ATXN8OS: variants seen among roughly 807,000 people sequenced by gnomAD.
ATXN8OS encodes the protein ATXN8 opposite strand lncRNA.
intron 1 of ATXN8OS, among the ~76,000 whole-genome samples, chr13:70,113,165 A>G (rs933692395): frequency 1.3e-5 from 2 of 151,680 alleles, no homozygotes; most frequent in African/African-American, 4.8e-5. Flanking sequence ...TGTGATCCTC[A>G]CATCTTGGCC....
chr13:70,155,772 A>AG (rs1555301645), intron 4 of ATXN8OS, among the ~76,000 whole-genome samples: 1 of 143,340 alleles, frequency 7.0e-6, no homozygotes, highest in Non-Finnish European at 1.5e-5. Flanking sequence ...ACAATATTCC[A>AG]TTTTTTTTTT....
At chr13:70,146,712 A>C (rs1347825105) in intron 3 of ATXN8OS, among the ~76,000 whole-genome samples, 1 of 149,570 alleles carries the variant, frequency 6.7e-6, no homozygotes, top group Admixed American at 6.7e-5. Flanking sequence ...GGAATTGAAC[A>C]ATGAGAACAC....
intron 3 of ATXN8OS, among the ~76,000 whole-genome samples, chr13:70,143,012 G>T (rs1016067874): frequency 6.6e-6 from 1 of 151,652 alleles, no homozygotes; most frequent in South Asian, 2.1e-4. Flanking sequence ...GGCAGAGGTT[G>T]CCGTGAGCCG....
At chr13:70,139,429 C>CTGCTGCTGCTGCTGCT in intron 3 of ATXN8OS, 2 of 770,106 alleles carry the variant, frequency 2.6e-6, no homozygotes, top group Non-Finnish European at 4.2e-6. Flanking sequence ...GCTGCTGCTG[C>CTGCTGCTGCTGCTGCT]ATTTTTTAAA....
At position 70,131,948 on chromosome 13, in the gene ATXN8OS, C is replaced by G. The variant is rs144780068; in HGVS notation, n.499+2064C>G. On this transcript the variant is annotated intron_variant and non_coding_transcript_variant, in intron 3 of 4. Coordinates refer to ENST00000678624, the Ensembl canonical transcript of ATXN8OS. ...GAATAAAGATATGAATACAGATACA[C>G]TAGTCTAAACACGTTTGCATGGCAC... Among the ~76,000 whole-genome samples, 12 of 152,262 alleles carry G rather than the reference C, an allele frequency of 7.9e-5. No individual in the cohort carries two copies. The East Asian group carries it at 2.3e-3, about 29-fold the overall frequency.
At chr13:70,168,098 C>CT (rs1328923102) in intron 4 of ATXN8OS, among the ~76,000 whole-genome samples, 5 of 152,020 alleles carry the variant, frequency 3.3e-5, no homozygotes, top group Admixed American at 6.6e-5. Context: ...CTTCCATATA[C>CT]TTTTTTTGTT....
chr13:70,145,483 G>A (rs1365982408), intron 3 of ATXN8OS, among the ~76,000 whole-genome samples: 1 of 151,918 alleles, frequency 6.6e-6, no homozygotes, highest in East Asian at 1.9e-4. Context: ...CTACCCATGA[G>A]CATGGAATGT....
intron 1 of ATXN8OS, chr13:70,108,640 G>A (rs1481009601): frequency 1.3e-5 from 2 of 152,074 alleles, no homozygotes; most frequent in Non-Finnish European, 2.9e-5. Flanking sequence ...CTCCTTCCTC[G>A]CTACATTACT....
chr13:70,152,427 A>G (rs540372572), intron 4 of ATXN8OS, among the ~76,000 whole-genome samples: 80 of 152,094 alleles, frequency 5.3e-4, no homozygotes, highest in African/African-American at 1.9e-3. Flanking sequence ...ATATACACAT[A>G]TGTACATATA....
intron 2 of ATXN8OS, among the ~76,000 whole-genome samples, chr13:70,118,559 T>C (rs188863094): frequency 4.6e-5 from 7 of 152,190 alleles, no homozygotes; most frequent in Admixed American, 3.9e-4. Flanking sequence ...ATTTCATTTA[T>C]ACATAGAGAG....
chr13:70,111,862 G>A (rs1888202498), intron 1 of ATXN8OS, among the ~76,000 whole-genome samples: 1 of 152,142 alleles, frequency 6.6e-6, no homozygotes, highest in Non-Finnish European at 1.5e-5. Flanking sequence ...GAAAGTTCAT[G>A]CCTTAAAATG....
chr13:70,160,460 T>C (rs904827993), intron 4 of ATXN8OS, among the ~76,000 whole-genome samples: 1 of 151,852 alleles, frequency 6.6e-6, no homozygotes, highest in African/African-American at 2.4e-5. Flanking sequence ...CTGGCTGAAG[T>C]TAGTTCGGCA....
rs963844705 is a variant in ATXN8OS, at chr13:70,143,401, T to C, written n.500-3954T>C. 2.0e-5 allele frequency among the ~76,000 whole-genome samples: 3 copies of C among 152,000 alleles called. No individual in the cohort carries two copies. The East Asian group carries it at 5.8e-4, about 29-fold the overall frequency. Reference sequence around the variant, plus strand: ...CATCAGTAATAAATCTAAAAAAAAATGGTACTGGGTTTATTTAAATTAGTT... The same window carrying C: ...CATCAGTAATAAATCTAAAAAAAAACGGTACTGGGTTTATTTAAATTAGTT... On this transcript the variant is annotated intron_variant and non_coding_transcript_variant, in intron 3 of 4. Transcript: ENST00000678624.
At position 70,157,566 on chromosome 13, in the gene ATXN8OS, C is replaced by A. The variant is rs986016752; in HGVS notation, n.573+10138C>A. The stretch of plus-strand genomic sequence containing the variant: ...TTTTACCAGCAGTTAAAAAAAAAAA[C>A]AAAAACACTCTTAGATCTCTCACTC... On this transcript the variant is annotated intron_variant and non_coding_transcript_variant, in intron 4 of 4. Transcript: ENST00000678624. Among the ~76,000 whole-genome samples the A allele has an allele frequency of 1.7e-4, 25 of 147,150 alleles. 1 individual carries two copies. The highest frequency in any genetic ancestry group is 7.0e-3 in the Middle Eastern group (2 of 286).
intron 4 of ATXN8OS, among the ~76,000 whole-genome samples, chr13:70,162,473 T>G (rs2137505578): frequency 6.6e-6 from 1 of 152,186 alleles, no homozygotes; most frequent in Non-Finnish European, 1.5e-5. Context: ...TCTGAGGCTC[T>G]TCTGTTTGTG....
At chr13:70,170,234 T>G (rs572091330) in exon 5 of ATXN8OS, among the ~76,000 whole-genome samples, 1 of 152,236 alleles carries the variant, frequency 6.6e-6, no homozygotes, top group East Asian at 1.9e-4. Context: ...GGATCTAGGA[T>G]CTCAGATGCC....
chr13:70,154,831 AG>A, intron 4 of ATXN8OS, among the ~76,000 whole-genome samples: 1 of 152,354 alleles, frequency 6.6e-6, no homozygotes, highest in South Asian at 2.1e-4. Context: ...ACACCTGAGT[AG>A]GCCTGAACTA....
intron 4 of ATXN8OS, among the ~76,000 whole-genome samples, chr13:70,163,794 A>C (rs1889038778): frequency 6.6e-6 from 1 of 151,564 alleles, no homozygotes; most frequent in Non-Finnish European, 1.5e-5. Context: ...TTCTAAATGA[A>C]ATATCTTTGA....
chr13:70,165,334 A>G (rs1274484220), intron 4 of ATXN8OS, among the ~76,000 whole-genome samples: 5 of 151,902 alleles, frequency 3.3e-5, no homozygotes, highest in African/African-American at 1.2e-4. Flanking sequence ...AATGAAAGAG[A>G]CAAGAGCATA....
Sources: allele counts gnomAD v4.1 joint callset (sites outside exome capture counted in the v4.1 genomes callset), GRCh38; gene constraint gnomAD v4.1.1; transcripts MANE v1.5; gene names NCBI Gene and HGNC (gene_info 2026-07-23, HGNC 2026-07-21).